Variants in UBASH3A observed in about 807,000 individuals in gnomAD.
The protein encoded by UBASH3A is ubiquitin-associated and SH3 domain-containing protein A.
Under a neutral mutation model 73.5 loss-of-function variants are expected in UBASH3A, and 63 were observed. The observed-to-expected ratio is 0.86, with a 90% CI of 0.70 to 1.06. UBASH3A has a LOEUF of 1.06. Ranked by LOEUF, UBASH3A falls within the 50% of genes least tolerant of loss-of-function variation. The probability of loss-of-function intolerance (pLI) is 0.00; values close to 1 mark genes in which losing one functional copy is unlikely to be tolerated. For synonymous variants in UBASH3A, 363 were observed against 351.1 expected (o/e 1.03, Z -0.38); for missense variants, 860 against 859.0 (o/e 1.00, Z -0.02).
chr21:42,443,792 C>G (rs113492993), intron 13 of UBASH3A, among the ~76,000 whole-genome samples: 1 of 151,902 alleles, frequency 6.6e-6, no homozygotes, highest in Admixed American at 6.5e-5. Flanking sequence ...GTGCAGTAAC[C>G]GGGTGCACAG....
intron 8 of UBASH3A, among the ~76,000 whole-genome samples, chr21:42,429,743 C>T (rs998727151): frequency 6.6e-6 from 1 of 152,144 alleles, no homozygotes. Context: ...GACAAACCTT[C>T]CCCTGAAGCT....
Position 42,434,909 on chromosome 21 carries a change from G to A in UBASH3A, c.1348G>A (p.Asp450Asn), listed in dbSNP as rs145463901. 5.6e-6 allele frequency: 9 copies of A among 1,614,060 alleles called. No individual in the cohort carries two copies. Among genetic ancestry groups the A allele is most frequent in the African/African-American group, 1.3e-5 (1 of 74,918 alleles). Residue 450 changes from aspartate (D) to asparagine (N), a missense_variant, in exon 10 of 15, where the codon GAT (aspartate) becomes AAT (asparagine). Coordinates refer to ENST00000319294, the MANE Select transcript of UBASH3A (RefSeq NM_018961.4). The stretch of plus-strand genomic sequence containing the variant: ...TCGTGGGATCAAAGACTTTGAAAAC[G>A]ATCCCCCATTATCATCGTGTGGCAT... The part of the protein sequence containing the change: ...RSRGIKDFEN[D>N]PPLSSCGIFQ...
chr21:42,417,653 C>T (rs1356671862), intron 6 of UBASH3A: 2 of 151,958 alleles, frequency 1.3e-5, no homozygotes, highest in Non-Finnish European at 2.9e-5. Flanking sequence ...GCCCATGAAT[C>T]GATGGGTTTA....
chr21:42,414,771 T>G (rs999371410), intron 5 of UBASH3A, among the ~76,000 whole-genome samples: 8 of 152,186 alleles, frequency 5.3e-5, no homozygotes, highest in African/African-American at 1.9e-4. Context: ...AGCACAGCCC[T>G]GCCAACACCT....
chr21:42,427,430 T>A (rs1293484820), intron 8 of UBASH3A, among the ~76,000 whole-genome samples: 1 of 152,202 alleles, frequency 6.6e-6, no homozygotes, highest in East Asian at 1.9e-4. Context: ...TTTGTCTGGT[T>A]GCCACAGTAG....
rs199635620 is a variant in UBASH3A, at chr21:42,409,543, C to T, written c.289C>T (p.Arg97Cys). Residue 97 changes from arginine to cysteine, a missense_variant, in exon 3 of 15, where the codon CGC becomes TGC. Physicochemically the swap from Arg to Cys is radical, Grantham distance 180. Transcript: ENST00000319294. ...KLQEFWRESK[R>C]QCAKNRAHEV... ...TCAAGAGTTCTGGAGAGAGAGCAAG[C>T]GCCAGTGTGCAAAGAACAGAGCTCA... 4.0e-5 allele frequency: 65 copies of T among 1,613,980 alleles called. No homozygotes were observed. The highest frequency in any genetic ancestry group is 1.9e-5 in the Non-Finnish European group (23 of 1,180,004).
At chr21:42,422,479 G>A (rs2053354026) in intron 7 of UBASH3A, among the ~76,000 whole-genome samples, 1 of 152,152 alleles carries the variant, frequency 6.6e-6, no homozygotes, top group African/African-American at 2.4e-5. Flanking sequence ...GAGACACAAA[G>A]AGATCAACTC....
At chr21:42,440,894 A>G (rs1199193548) in intron 11 of UBASH3A, among the ~76,000 whole-genome samples, 1 of 152,112 alleles carries the variant, frequency 6.6e-6, no homozygotes, top group Non-Finnish European at 1.5e-5. Flanking sequence ...TTTTTTTGTC[A>G]TTGTTCGTGG....
intron 6 of UBASH3A, among the ~76,000 whole-genome samples, chr21:42,417,832 A>G (rs2053245732): frequency 6.8e-6 from 1 of 146,420 alleles, no homozygotes; most frequent in Non-Finnish European, 1.5e-5. Flanking sequence ...AGATGGATGG[A>G]TGATGGATAG....
At chr21:42,434,766 A>C in intron 9 of UBASH3A, 66 bp from the exon 10 acceptor site, 2 of 1,538,912 alleles carry the variant, frequency 1.3e-6, no homozygotes, top group Non-Finnish European at 1.8e-6. Flanking sequence ...TGGTCTTGGG[A>C]GTTTTGTGGA....
chr21:42,441,946 G>T (rs996847366), intron 11 of UBASH3A, among the ~76,000 whole-genome samples: 2 of 152,184 alleles, frequency 1.3e-5, no homozygotes, highest in Non-Finnish European at 2.9e-5. Context: ...AATGTGAGTT[G>T]CAGGGAGTCA....
At chr21:42,437,644 G>T (rs1368771875) in intron 11 of UBASH3A, 64 bp downstream of exon 11, 4 of 1,438,904 alleles carry the variant, frequency 2.8e-6, no homozygotes, top group Non-Finnish European at 3.9e-6. Flanking sequence ...TCCAAGGGGA[G>T]TGGGAAGGGA....
At chr21:42,418,170 C>T (rs2146526564) in intron 6 of UBASH3A, among the ~76,000 whole-genome samples, 1 of 152,270 alleles carries the variant, frequency 6.6e-6, no homozygotes, top group African/African-American at 2.4e-5. Context: ...GCGTGAGCCA[C>T]CGCGCCTGGC....
intron 11 of UBASH3A, among the ~76,000 whole-genome samples, chr21:42,441,179 C>A (rs2053733645): frequency 6.6e-6 from 1 of 152,234 alleles, no homozygotes; most frequent in South Asian, 2.1e-4. Context: ...ACATGATCAA[C>A]CTGCTTATCA....
rs139067853 is a variant in UBASH3A at position 42,409,539 on chromosome 21, C to T, written c.285C>T (p.Ser95=). 30 of 1,614,022 alleles carry T rather than the reference C, an allele frequency of 1.9e-5. No individual in the cohort carries two copies. In the African/African-American group the frequency reaches 2.8e-4, roughly 15 times the overall value. The change falls in exon 3 of 15, where the codon AGC becomes AGT. Residue 95 remains serine (S), a synonymous_variant. Transcript: ENST00000319294. ...LEKLQEFWRE[S]KRQCAKNRAH... ...AACTTCAAGAGTTCTGGAGAGAGAG[C>T]AAGCGCCAGTGTGCAAAGAACAGAG...
intron 8 of UBASH3A, among the ~76,000 whole-genome samples, chr21:42,427,350 G>C (rs998277245): frequency 9.9e-5 from 15 of 152,170 alleles, no homozygotes; most frequent in African/African-American, 3.6e-4. Context: ...CCTGATCCCT[G>C]TCCTGTGATC....
intron 5 of UBASH3A, among the ~76,000 whole-genome samples, 173 bp from the exon 6 acceptor site, chr21:42,416,269 C>G (rs1002144008): frequency 1.4e-4 from 22 of 152,182 alleles, no homozygotes; most frequent in African/African-American, 5.3e-4. Flanking sequence ...TTCCTACTTC[C>G]TGGAAAAATC....
intron 1 of UBASH3A, 90 bp from the exon 2 acceptor site, chr21:42,406,217 AT>A: frequency 9.6e-7 from 1 of 1,045,406 alleles, no homozygotes; most frequent in Non-Finnish European, 1.5e-6. Context: ...CCCCCCAAAG[AT>A]CCTGGGTGTG....
intron 2 of UBASH3A, among the ~76,000 whole-genome samples, chr21:42,407,243 A>C (rs1255025318): frequency 6.6e-6 from 1 of 152,090 alleles, no homozygotes; most frequent in African/African-American, 2.4e-5. Flanking sequence ...CCACGGGGAA[A>C]ATCAAACAAT....
Sources: gnomAD v4.1 joint callset for allele counts (sites outside exome capture counted in the v4.1 genomes callset) on GRCh38, gnomAD v4.1.1 for gene constraint, MANE v1.5 for transcripts, NCBI Gene and HGNC (gene_info 2026-07-23, HGNC 2026-07-21) for gene names.